The following RYR3 variants were observed in gnomAD, a reference collection of about 807,000 sequenced individuals.
RYR3 encodes the protein ryanodine receptor 3.
A neutral mutation model predicts 584.3 loss-of-function variants in RYR3; 207 were observed. That is an observed-to-expected ratio of 0.35 (90% CI 0.32 to 0.40). The LOEUF (loss-of-function observed/expected upper bound fraction) is 0.40. RYR3 is among the 10% of genes least tolerant of loss of function. RYR3 has a pLI of 1.00. For missense variants in RYR3, 5,616 were observed against 6,089.2 expected (o/e 0.92, Z 2.59); for synonymous variants, 2,416 against 2,248.5 (o/e 1.07, Z -2.11).
At position 33,635,620 on chromosome 15, in the gene RYR3, C is replaced by T. The variant is rs771090781; in HGVS notation, c.3182C>T (p.Ser1061Leu). ...IEPSDQELAD[S>L]AVEKVSIDKI... ...GCCTTTCTTCTCACAATAGCTGACTCGGCTGTGGAGAAGGTCAGCATAGAC... is the reference window on the plus strand; with the variant it reads ...GCCTTTCTTCTCACAATAGCTGACTTGGCTGTGGAGAAGGTCAGCATAGAC... The change falls in exon 26 of 104, where the codon TCG (serine) becomes TTG (leucine). Residue 1061 changes from serine (S) to leucine (L), a missense_variant. Physicochemically the swap from Ser to Leu is moderately radical, Grantham distance 145. This residue lies in a region of RYR3 where 1,284 missense variants were observed against 1,344.6 expected (regional missense o/e 0.95). Transcript: ENST00000634891. 25 of 1,612,894 alleles carry T rather than the reference C, an allele frequency of 1.6e-5. No individual in the cohort carries two copies. Among genetic ancestry groups the T allele is most frequent in the Admixed American group, 5.0e-5 (3 of 59,974 alleles).
At chr15:33,331,321 G>A (rs1423976107) in intron 1 of RYR3, among the ~76,000 whole-genome samples, 1 of 152,068 alleles carries the variant, frequency 6.6e-6, no homozygotes, top group Non-Finnish European at 1.5e-5. Context: ...AAAAAAATGT[G>A]TTCTTAAATC....
chr15:33,611,496 C>T (rs2152565866), intron 18 of RYR3, among the ~76,000 whole-genome samples: 1 of 151,696 alleles, frequency 6.6e-6, no homozygotes, highest in South Asian at 2.1e-4. Context: ...GTGGAGCTTG[C>T]ATTGAGCCCA....
At chr15:33,435,615 C>T (rs1290382524) in intron 1 of RYR3, among the ~76,000 whole-genome samples, 1 of 152,202 alleles carries the variant, frequency 6.6e-6, no homozygotes, top group East Asian at 1.9e-4. Flanking sequence ...TTTATTCCTT[C>T]TCATGGGTTC....
At chr15:33,681,549 A>C (rs929161760) in intron 38 of RYR3, among the ~76,000 whole-genome samples, 1 of 152,180 alleles carries the variant, frequency 6.6e-6, no homozygotes, top group African/African-American at 2.4e-5. Flanking sequence ...TACTACTGGG[A>C]GAAATAAAGT....
intron 11 of RYR3, among the ~76,000 whole-genome samples, chr15:33,565,104 A>G (rs2057634920): frequency 1.5e-5 from 1 of 66,634 alleles, no homozygotes; most frequent in African/African-American, 7.9e-5. Flanking sequence ...CTCGCAGAGA[A>G]GGAAGGACCT....
intron 3 of RYR3, 126 bp from the exon 4 acceptor site, chr15:33,530,466 G>A (rs2054772240): frequency 1.5e-6 from 1 of 670,962 alleles, no homozygotes; most frequent in East Asian, 2.7e-5. Flanking sequence ...CTTCTGGAAT[G>A]AATTCCTTAG....
chr15:33,684,110 C>A (rs939833257), intron 38 of RYR3, among the ~76,000 whole-genome samples: 2 of 152,258 alleles, frequency 1.3e-5, no homozygotes, highest in Non-Finnish European at 2.9e-5. Flanking sequence ...ATGTCCCTGT[C>A]TGACAGCTCC....
intron 86 of RYR3, 142 bp downstream of exon 86, chr15:33,831,233 T>C: frequency 1.4e-6 from 1 of 718,034 alleles, no homozygotes; most frequent in Non-Finnish European, 2.1e-6. Flanking sequence ...TTTCTCTAAA[T>C]AGGAAGCAAT....
intron 63 of RYR3, among the ~76,000 whole-genome samples, chr15:33,773,053 G>A (rs1006886770): frequency 1.3e-5 from 2 of 152,188 alleles, no homozygotes; most frequent in African/African-American, 4.8e-5. Context: ...ACCTGGGATA[G>A]GCAGATGTGA....
chr15:33,584,458 T>G lies in RYR3; in HGVS notation c.1637T>G (p.Ile546Ser). ...AQFSNNLDWL[I>S]SKLDRLESSS... ...TTCTCCAATAACCTTGATTGGCTCATCAGTAAATTGGACAGACTAGAATCT... is the reference window on the plus strand; with the variant it reads ...TTCTCCAATAACCTTGATTGGCTCAGCAGTAAATTGGACAGACTAGAATCT... The change falls in exon 15 of 104, where the codon ATC becomes AGC. Residue 546 changes from isoleucine (I) to serine (S), a missense_variant. This residue lies in a region of RYR3 where 1,284 missense variants were observed against 1,344.6 expected (regional missense o/e 0.95). Transcript: ENST00000634891. 3 of 1,601,066 alleles carry G rather than the reference T, an allele frequency of 1.9e-6. No homozygotes were observed. The highest frequency in any genetic ancestry group is 2.6e-6 in the Non-Finnish European group (3 of 1,169,170).
At chr15:33,524,250 C>T (rs1398953996) in intron 3 of RYR3, among the ~76,000 whole-genome samples, 1 of 152,134 alleles carries the variant, frequency 6.6e-6, no homozygotes, top group Non-Finnish European at 1.5e-5. Flanking sequence ...CATAGGTTTC[C>T]TTATTCTTGC....
intron 38 of RYR3, among the ~76,000 whole-genome samples, chr15:33,674,028 C>T (rs989148801): frequency 1.3e-5 from 2 of 152,162 alleles, no homozygotes; most frequent in Non-Finnish European, 2.9e-5. Flanking sequence ...CCTGCTCTCC[C>T]CTGCCACTCT....
chr15:33,568,457 C>T (rs72709222), intron 12 of RYR3, among the ~76,000 whole-genome samples: 36 of 151,976 alleles, frequency 2.4e-4, no homozygotes, highest in Non-Finnish European at 4.9e-4. Context: ...TGTACAGTTC[C>T]GTGAGACTTT....
intron 6 of RYR3, 70 bp downstream of exon 6, chr15:33,539,532 G>T: frequency 1.1e-6 from 1 of 885,374 alleles, no homozygotes; most frequent in South Asian, 1.4e-5. Flanking sequence ...TGGCCATGAA[G>T]AACTGAGCCA....
intron 17 of RYR3, among the ~76,000 whole-genome samples, chr15:33,602,358 T>G (rs2059706332): frequency 6.6e-6 from 1 of 152,108 alleles, no homozygotes; most frequent in Admixed American, 6.6e-5. Flanking sequence ...TTTTAACCAC[T>G]TTGCTGGATA....
rs1555427643 is a variant in RYR3, at chr15:33,725,976, C to CCCGCCCAAA, written c.6913-410_6913-409insCCGCCCAAA. 6.3e-5 allele frequency among the ~76,000 whole-genome samples: 2 copies of CCCGCCCAAA among 31,514 alleles called. 1 individual carries two copies. Among genetic ancestry groups the CCCGCCCAAA allele is most frequent in the African/African-American group, 2.2e-4 (2 of 9,302 alleles). The allele number at this position is 31,514 out of a possible 152,430, so 20.7% of individuals were successfully genotyped here. On this transcript the variant is annotated intron_variant, in intron 45 of 103. Coordinates refer to ENST00000634891, the MANE Select transcript of RYR3 (RefSeq NM_001036.6). The stretch of plus-strand genomic sequence containing the variant: ...CAGAGCAAGACTCCATCCCCCCCCC[C>CCCGCCCAAA]AAAAAAAAAAAAAAAAAAAAACAGA...
chr15:33,464,490 A>ATATAGATAT, intron 1 of RYR3, among the ~76,000 whole-genome samples: 1 of 58,894 alleles, frequency 1.7e-5, no homozygotes, highest in Non-Finnish European at 2.9e-5. Flanking sequence ...ATATATATAT[A>ATATAGATAT]CACATATATA....
intron 28 of RYR3, among the ~76,000 whole-genome samples, chr15:33,645,321 G>A (rs1016004274): frequency 6.6e-6 from 1 of 152,154 alleles, no homozygotes; most frequent in African/African-American, 2.4e-5. Flanking sequence ...TGGATAGGGG[G>A]AGAGTGTTGA....
rs3085194 is a variant in RYR3 at position 33,647,988 on chromosome 15, CAAAA to C, written c.3978+546_3978+549del. ...TCTCTCATTCTTCTTTAGCATCTGGCAAAAAAAAAAAAAAAAAAAAAGCCTGTGG... is the reference window on the plus strand; with the variant it reads ...TCTCTCATTCTTCTTTAGCATCTGGCAAAAAAAAAAAAAAAAAGCCTGTGG... On this transcript the variant is annotated intron_variant, in intron 30 of 103. Transcript: ENST00000634891. Among the ~76,000 whole-genome samples, 809 of 98,306 alleles carry C rather than the reference CAAAA, an allele frequency of 8.2e-3. 7 individuals carry two copies. Among genetic ancestry groups the C allele is most frequent in the African/African-American group, 0.029 (774 of 26,678 alleles). The allele number at this position is 98,306 out of a possible 152,430, so 64.5% of individuals were successfully genotyped here.
Sources: allele counts gnomAD v4.1 joint callset (sites outside exome capture counted in the v4.1 genomes callset), GRCh38; gene constraint gnomAD v4.1.1; regional missense constraint gnomAD v4.1.1; transcripts MANE v1.5; gene names NCBI Gene and HGNC (gene_info 2026-07-23, HGNC 2026-07-21).